The following MCCC1 variants were observed in gnomAD, a reference collection of about 807,000 sequenced individuals.
MCCC1 encodes methylcrotonyl-CoA carboxylase subunit 1, also known as methylcrotonoyl-CoA carboxylase subunit alpha, mitochondrial.
Under a neutral mutation model 83.8 loss-of-function variants are expected in MCCC1, and 64 were observed. The observed-to-expected ratio is 0.76, with a 90% confidence interval of 0.62 to 0.94. MCCC1 has a LOEUF of 0.94. Among genes scored for constraint, MCCC1 ranks in the 40% least tolerant of loss-of-function variants. The pLI, the probability that MCCC1 is intolerant of heterozygous loss-of-function variation, is 0.00. For synonymous variants in MCCC1, 322 were observed against 315.4 expected, an observed-to-expected ratio of 1.02 and a Z score of -0.22; for missense variants, 807 against 904.7, an observed-to-expected ratio of 0.89 and a Z score of 1.39.
chr3:183,017,390 T>C (rs1023930802), intron 17 of MCCC1, 53 bp from the exon 18 acceptor site: 47 of 1,548,228 alleles, frequency 3.0e-5, no homozygotes, highest in Admixed American at 2.2e-4. Flanking sequence ...GTCCTAGATA[T>C]GTTCATCTGC....
At chr3:183,027,128 T>C (rs1712674812) in intron 14 of MCCC1, among the ~76,000 whole-genome samples, 1 of 152,230 alleles carries the variant, frequency 6.6e-6, no homozygotes, top group Non-Finnish European at 1.5e-5. Context: ...ATATTACTAC[T>C]ATAATTGTTT....
Position 183,025,479 on chromosome 3 carries a change from C to A in MCCC1, c.1731+276G>T, listed in dbSNP as rs7640612. 0.5 allele frequency among the ~76,000 whole-genome samples: 76,269 copies of A among 152,086 alleles called. 23,906 individuals are homozygous for A. Among genetic ancestry groups the A allele is most frequent in the Non-Finnish European group, 0.71 (48,085 of 68,000 alleles). On this transcript the variant is annotated intron_variant, in intron 15 of 18. Transcript: ENST00000265594. ...TGCTTTTGCTGTAAATACAGGCACA[C>A]ACTTTAGGGGCTTGTGAATGTCTGA...
chr3:183,071,200 A>G lies in MCCC1; in HGVS notation c.639+10T>C. ...CCTGAATTGGCAAACACAAGCATGC[A>G]CAATCTTACTTTTCCTCCTCCACCC... On this transcript the variant is annotated intron_variant, in intron 6 of 18. Coordinates refer to ENST00000265594, the MANE Select transcript of MCCC1 (RefSeq NM_020166.5). 6.2e-7 allele frequency: 1 copy of G among 1,614,226 alleles called. No individual in the cohort carries two copies. Among genetic ancestry groups the G allele is most frequent in the African/African-American group, 1.3e-5 (1 of 75,074 alleles).
At chr3:183,019,138 TTAAG>T (rs1711934712) in intron 17 of MCCC1, among the ~76,000 whole-genome samples, 1 of 152,218 alleles carries the variant, frequency 6.6e-6, no homozygotes, top group African/African-American at 2.4e-5. Context: ...CCCACACTAT[TTAAG>T]TAGTTATTTT....
Position 183,094,571 on chromosome 3 carries a change from T to G in MCCC1, c.124A>C (p.Thr42Pro), listed in dbSNP as rs773887269. 1.9e-6 allele frequency: 3 copies of G among 1,614,170 alleles called. No individual in the cohort carries two copies. The highest frequency in any genetic ancestry group is 4.5e-5 in the East Asian group (2 of 44,868). The change falls in exon 2 of 19, where the codon ACA becomes CCA. Residue 42 changes from threonine (T) to proline (P), a missense_variant. Coordinates refer to ENST00000265594, the MANE Select transcript of MCCC1 (RefSeq NM_020166.5). Reference sequence around the variant, plus strand: ...AGTCTGTCAGTACCTGTGGCTGTTGTGTACTTCATGGTTCTTTGCCTCCAC... The same window carrying G: ...AGTCTGTCAGTACCTGTGGCTGTTGGGTACTTCATGGTTCTTTGCCTCCAC... ...WVWRQRTMKY[T>P]TATGRNITKV...
At chr3:183,105,130 A>G (rs1443827292) in intron 1 of MCCC1, among the ~76,000 whole-genome samples, 1 of 152,194 alleles carries the variant, frequency 6.6e-6, no homozygotes, top group African/African-American at 2.4e-5. Flanking sequence ...GACTCACCTG[A>G]TGTTGGGAGT....
intron 9 of MCCC1, among the ~76,000 whole-genome samples, chr3:183,047,894 G>A (rs1193402731): frequency 6.6e-6 from 1 of 152,172 alleles, no homozygotes; most frequent in African/African-American, 2.4e-5. Context: ...GAGAAGAAAG[G>A]AAGGAACAGA....
intron 1 of MCCC1, chr3:183,099,085 CG>C (rs1431702387): frequency 3.5e-6 from 2 of 574,418 alleles, no homozygotes; most frequent in Non-Finnish European, 6.2e-6. Flanking sequence ...TGGAGGATGG[CG>C]GGCCCAGTCC....
chr3:183,053,887 T>C (rs1323421178), intron 8 of MCCC1, among the ~76,000 whole-genome samples: 1 of 149,654 alleles, frequency 6.7e-6, no homozygotes, highest in East Asian at 2.0e-4. Flanking sequence ...ATTTTTTTTT[T>C]TTTTTTTTGA....
chr3:183,024,543 G>A (rs759702034), intron 15 of MCCC1, among the ~76,000 whole-genome samples: 3 of 151,776 alleles, frequency 2.0e-5, no homozygotes, highest in Non-Finnish European at 4.4e-5. Context: ...AACATCATTA[G>A]TCATTATGGA....
rs1167468693 is a variant in MCCC1, at chr3:183,041,627, C to G, written c.1207G>C (p.Val403Leu). 1.9e-6 allele frequency: 3 copies of G among 1,614,222 alleles called. No individual in the cohort carries two copies. Among genetic ancestry groups the G allele is most frequent in the South Asian group, 2.2e-5 (2 of 91,092 alleles). The change falls in exon 11 of 19, where the codon GTG (valine) becomes CTG (leucine). Residue 403 changes from valine to leucine, a missense_variant. Coordinates refer to ENST00000265594, the MANE Select transcript of MCCC1 (RefSeq NM_020166.5). ...TCTGCTCGAGGAGTAGAGAGGTGCA[C>G]TAATGGGCCTGCCACAGGCATGAAG... The part of the protein sequence containing the change: ...NNFMPVAGPL[V>L]HLSTPRADPS...
rs1337201010 is a variant in MCCC1, at chr3:183,034,078, C to G, written c.1595-1G>C. The G allele has an allele frequency of 5.0e-6, 8 of 1,603,316 alleles. No individual in the cohort carries two copies. The highest frequency in any genetic ancestry group is 1.7e-5 in the Admixed American group (1 of 59,910). On this transcript the variant is annotated splice_acceptor_variant, in intron 13 of 18. Transcript: ENST00000265594. LOFTEE classifies it high-confidence loss of function. The stretch of plus-strand genomic sequence containing the variant: ...CTAGACGAAAATGGAGAGAATTGAT[C>G]TAGAAAAAATTTAAAATTCAGTAAC...
In MCCC1 at chr3:183,020,241, G is replaced by A; in HGVS notation, c.1870-4C>T. The A allele has an allele frequency of 6.2e-7, 1 of 1,607,404 alleles. No individual in the cohort carries two copies. Among genetic ancestry groups the A allele is most frequent in the Non-Finnish European group, 8.5e-7 (1 of 1,174,048 alleles). ...TGTCAATCTCAATACTTCCTTCCTA[G>A]AAACAGAAAACAAACTGAAAACCGA... On this transcript the variant is annotated splice_region_variant and splice_polypyrimidine_tract_variant and intron_variant, in intron 16 of 18. Transcript: ENST00000265594.
intron 9 of MCCC1, among the ~76,000 whole-genome samples, chr3:183,048,743 A>G (rs1481774433): frequency 6.6e-6 from 1 of 152,222 alleles, no homozygotes; most frequent in Non-Finnish European, 1.5e-5. Context: ...AACACCATCA[A>G]TCAACTGGAT....
chr3:183,045,633 G>T, intron 9 of MCCC1, 93 bp from the exon 10 acceptor site: 1 of 1,325,624 alleles, frequency 7.5e-7, no homozygotes, highest in Non-Finnish European at 1.1e-6. Context: ...TTTTACCGCT[G>T]TCTTCATTCA....
intron 1 of MCCC1, among the ~76,000 whole-genome samples, chr3:183,112,872 G>C (rs755797392): frequency 6.6e-6 from 1 of 151,572 alleles, no homozygotes; most frequent in Non-Finnish European, 1.5e-5. Flanking sequence ...CCAGAAGTTG[G>C]AGACCAGCCT....
chr3:183,099,349 C>T lies in MCCC1; in HGVS notation c.89+3G>A. ...CCCACTGAGCCATGGCCCCTCCACC[C>T]ACCTCGGCGGCAGGAGCAGGCTCGG... On this transcript the variant is annotated splice_donor_region_variant and intron_variant, in intron 1 of 18. Transcript: ENST00000265594. 10 of 1,595,006 alleles carry T rather than the reference C, an allele frequency of 6.3e-6. No homozygotes were observed. The highest frequency in any genetic ancestry group is 2.7e-5 in the African/African-American group (2 of 74,614).
intron 1 of MCCC1, among the ~76,000 whole-genome samples, chr3:183,096,960 A>C (rs1228654178): frequency 1.3e-5 from 2 of 152,224 alleles, no homozygotes; most frequent in Non-Finnish European, 2.9e-5. Flanking sequence ...ATTCGGTTTC[A>C]AGGCTACTGT....
At chr3:183,077,290 T>C (rs1192902508) in intron 4 of MCCC1, among the ~76,000 whole-genome samples, 1 of 152,236 alleles carries the variant, frequency 6.6e-6, no homozygotes, top group African/African-American at 2.4e-5. Flanking sequence ...AGTAACTCTA[T>C]GTTTAACGTT....
Sources: gnomAD v4.1 joint callset for allele counts (sites outside exome capture counted in the v4.1 genomes callset) on GRCh38, gnomAD v4.1.1 for gene constraint, MANE v1.5 for transcripts, NCBI Gene and HGNC (gene_info 2026-07-23, HGNC 2026-07-21) for gene names.